Variants in NAALADL2 observed in about 807,000 individuals in gnomAD.
The protein encoded by NAALADL2 is N-acetylated alpha-linked acidic dipeptidase like 2, also known as inactive N-acetylated-alpha-linked acidic dipeptidase-like protein 2.
NAALADL2 carries 76 observed loss-of-function variants against 87.2 expected under a neutral mutation model. The ratio of observed to expected loss-of-function variants is 0.87; its 90% CI spans 0.72 to 1.05. The LOEUF (loss-of-function observed/expected upper bound fraction) is 1.05, where lower values mean the gene tolerates loss of function less well. Among genes scored for constraint, NAALADL2 ranks in the 50% least tolerant of loss-of-function variants. The probability of loss-of-function intolerance (pLI) is 0.00; values close to 1 mark genes in which losing one functional copy is unlikely to be tolerated. For missense variants in NAALADL2, 1,089 were observed against 945.8 expected (o/e 1.15, Z -1.99); for synonymous variants, 354 against 331.0 (o/e 1.07, Z -0.75).
chr3:174,596,251 C>T (rs905059135), intron 2 of NAALADL2, among the ~76,000 whole-genome samples: 6 of 152,214 alleles, frequency 3.9e-5, no homozygotes, highest in African/African-American at 1.4e-4. Context: ...GTAAAGCCAA[C>T]GTGCCAAATG....
intron 11 of NAALADL2, among the ~76,000 whole-genome samples, chr3:175,727,498 T>A (rs1210444594): frequency 6.6e-6 from 1 of 152,154 alleles, no homozygotes; most frequent in Non-Finnish European, 1.5e-5. Flanking sequence ...TTCCTGGGAT[T>A]ACAACCCTTC....
At chr3:174,959,821 T>C (rs747802297) in intron 1 of NAALADL2, among the ~76,000 whole-genome samples, 3 of 152,114 alleles carry the variant, frequency 2.0e-5, no homozygotes, top group Admixed American at 6.6e-5. Context: ...GTCATTTTAA[T>C]ACGCAAGGCA....
At chr3:175,129,028 T>C (rs557107028) in intron 2 of NAALADL2, among the ~76,000 whole-genome samples, 8 of 152,092 alleles carry the variant, frequency 5.3e-5, no homozygotes, top group African/African-American at 1.9e-4. Flanking sequence ...AACCCCTGCC[T>C]CCCAGATTCA....
intron 9 of NAALADL2, among the ~76,000 whole-genome samples, chr3:175,537,078 G>T (rs373088760): frequency 6.6e-6 from 1 of 152,208 alleles, no homozygotes; most frequent in East Asian, 1.9e-4. Flanking sequence ...GTTTGTATCT[G>T]TAAAATCTCA....
In NAALADL2 at chr3:175,281,434, T is replaced by C. The variant is rs370327638; in HGVS notation, c.939+24904T>C. 3.9e-4 allele frequency among the ~76,000 whole-genome samples: 59 copies of C among 152,062 alleles called. 2 individuals are homozygous for C. In the South Asian group the frequency reaches 8.9e-3, roughly 23 times the overall value. On this transcript the variant is annotated intron_variant, in intron 4 of 13. Transcript: ENST00000454872. ...TTTAGATAATAGGCTAAAACACCTTTGCAATGTGTGTATTTTTATGTTTAT... is the reference window on the plus strand; with the variant it reads ...TTTAGATAATAGGCTAAAACACCTTCGCAATGTGTGTATTTTTATGTTTAT...
chr3:174,699,836 G>GCT (rs1553826130), intron 2 of NAALADL2, among the ~76,000 whole-genome samples: 1 of 96,186 alleles, frequency 1.0e-5, no homozygotes, highest in African/African-American at 4.1e-5. Flanking sequence ...ATTTTAAGAT[G>GCT]CTTTTTTTTT....
At chr3:175,777,970 C>A (rs183372870) in intron 13 of NAALADL2, among the ~76,000 whole-genome samples, 508 of 152,238 alleles carry the variant, frequency 3.3e-3, no homozygotes, top group Middle Eastern at 0.02. Context: ...AGTTAAAATA[C>A]GTTTAGCATA....
At chr3:174,855,251 A>G (rs1198148128), upstream of NAALADL2, among the ~76,000 whole-genome samples, 1 of 152,144 alleles carries the variant, frequency 6.6e-6, no homozygotes, top group Admixed American at 6.5e-5. Flanking sequence ...TGATGTTATG[A>G]CAGCTATGAC....
chr3:174,588,200 G>A lies in NAALADL2; in HGVS notation c.-115+37563G>A, dbSNP rs185388536. Among the ~76,000 whole-genome samples, 7 of 152,152 alleles carry A rather than the reference G, an allele frequency of 4.6e-5. No homozygotes were observed. In the East Asian group the frequency reaches 7.7e-4, roughly 17 times the overall value. ...CTTATGCATGCGTCACGTAGTTCTC[G>A]TGCCATGGTTTTCAGCTCCATCAGG... On this transcript the variant is annotated intron_variant, in intron 2 of 3. Transcript: ENST00000434257.
intron 10 of NAALADL2, chr3:175,581,341 C>T (rs1719741033): frequency 1.2e-5 from 2 of 160,174 alleles, no homozygotes; most frequent in Non-Finnish European, 2.8e-5. Flanking sequence ...ACTCAGGAGG[C>T]TGAGATAGAA....
chr3:174,903,991 ATC>A (rs1732645047), intron 1 of NAALADL2, among the ~76,000 whole-genome samples: 1 of 149,516 alleles, frequency 6.7e-6, no homozygotes, highest in African/African-American at 2.5e-5. Context: ...CTATTTCTAT[ATC>A]TATATCTATA....
chr3:174,810,530 G>T (rs759240132), intron 3 of NAALADL2, among the ~76,000 whole-genome samples: 2 of 147,162 alleles, frequency 1.4e-5, no homozygotes, highest in African/African-American at 2.5e-5. Context: ...TTTGGTGGAA[G>T]AAATTTCTAC....
chr3:175,442,567 A>G (rs568615347), intron 5 of NAALADL2, among the ~76,000 whole-genome samples: 1 of 152,192 alleles, frequency 6.6e-6, no homozygotes, highest in Non-Finnish European at 1.5e-5. Context: ...ATAGTATCGT[A>G]GTGAAATTAT....
chr3:174,548,447 A>G (rs1381746436), intron 1 of NAALADL2, among the ~76,000 whole-genome samples: 2 of 152,232 alleles, frequency 1.3e-5, no homozygotes, highest in Non-Finnish European at 2.9e-5. Context: ...TGAATTATAG[A>G]CAATTTAAAT....
At position 175,060,782 on chromosome 3, in the gene NAALADL2, T is replaced by C. The variant is rs537463384; in HGVS notation, c.44-36008T>C. 3.3e-5 allele frequency among the ~76,000 whole-genome samples: 5 copies of C among 152,332 alleles called. No individual in the cohort carries two copies. The East Asian group carries it at 9.7e-4, about 29-fold the overall frequency. ...AATTCTTCATTCTGAGTGCCGTGGCTCATGCCTGTAATCCCAGCACTTTGG... is the reference window on the plus strand; with the variant it reads ...AATTCTTCATTCTGAGTGCCGTGGCCCATGCCTGTAATCCCAGCACTTTGG... On this transcript the variant is annotated intron_variant, in intron 1 of 13. Transcript: ENST00000454872.
At chr3:175,418,105 G>A (rs917500386) in intron 5 of NAALADL2, among the ~76,000 whole-genome samples, 1 of 152,212 alleles carries the variant, frequency 6.6e-6, no homozygotes, top group East Asian at 1.9e-4. Context: ...CTGAAGTATA[G>A]GAGAATGAGA....
intron 2 of NAALADL2, among the ~76,000 whole-genome samples, chr3:175,206,505 C>T (rs1400191333): frequency 6.6e-6 from 1 of 151,384 alleles, no homozygotes; most frequent in African/African-American, 2.4e-5. Context: ...TATGTGGGAG[C>T]TAAGCCATGA....
intron 1 of NAALADL2, among the ~76,000 whole-genome samples, chr3:174,475,078 A>G (rs991363376): frequency 6.6e-6 from 1 of 151,984 alleles, no homozygotes; most frequent in African/African-American, 2.4e-5. Flanking sequence ...GCAGAAGAAA[A>G]TCATTTAGAT....
In NAALADL2 at chr3:175,396,232, T is replaced by C. The variant is rs549920691; in HGVS notation, c.1091-50997T>C. On this transcript the variant is annotated intron_variant, in intron 5 of 13. Coordinates refer to ENST00000454872, the MANE Select transcript of NAALADL2 (RefSeq NM_207015.3). ...CAAAATACAATGATGTTGTAAGTCA[T>C]GAGCTTCATACAAAGTAGTTCATTC... is the stretch of plus-strand genomic sequence containing the variant. 7.2e-5 allele frequency among the ~76,000 whole-genome samples: 11 copies of C among 152,254 alleles called. 1 individual carries two copies. Among genetic ancestry groups the C allele is most frequent in the East Asian group, 1.9e-4 (1 of 5,174 alleles).
Sources: allele counts gnomAD v4.1 joint callset (sites outside exome capture counted in the v4.1 genomes callset), GRCh38; gene constraint gnomAD v4.1.1; transcripts MANE v1.5; gene names NCBI Gene and HGNC (gene_info 2026-07-23, HGNC 2026-07-21).